Variants in ZNF207 observed in about 807,000 individuals in gnomAD.
ZNF207 encodes the protein BUB3-interacting and GLEBS motif-containing protein ZNF207.
In ZNF207, 24 loss-of-function variants were observed where a neutral mutation model predicts 60.2. The ratio of observed to expected loss-of-function variants is 0.40; its 90% CI spans 0.29 to 0.56. The LOEUF is 0.56. ZNF207 is among the 20% of genes least tolerant of loss of function. The pLI is 0.49. For synonymous variants in ZNF207, 236 were observed against 194.7 expected (o/e 1.21, Z -1.77); for missense variants, 452 against 636.6 (o/e 0.71, Z 3.12).
At chr17:32,365,880 T>C (rs1418917408) in intron 8 of ZNF207, among the ~76,000 whole-genome samples, 1 of 152,164 alleles carries the variant, frequency 6.6e-6, no homozygotes, top group Non-Finnish European at 1.5e-5. Flanking sequence ...TTTGTCAGGC[T>C]CTGCCTCTAG....
intron 2 of ZNF207, among the ~76,000 whole-genome samples, chr17:32,356,237 A>G (rs891534408): frequency 6.6e-6 from 1 of 152,302 alleles, no homozygotes; most frequent in East Asian, 1.9e-4. Context: ...CAAGAAATCT[A>G]ATTCTGGCTG....
In ZNF207 at chr17:32,373,103, G is replaced by A. The variant is rs1007383515; in HGVS notation, c.*3344G>A. 1.8e-4 allele frequency: 48 copies of A among 269,326 alleles called. No homozygotes were observed. The highest frequency in any genetic ancestry group is 1.0e-3 in the Admixed American group (20 of 19,898). 16.7% of individuals were successfully genotyped at this position (269,326 alleles called of 1,614,324 possible). A position where few individuals can be genotyped will look rare whatever the true frequency, so the allele number is the denominator to read the frequency against. ...TTTGAATACTTAGTATTTTAGTAGT[G>A]TCTCACACATTTGCCATTAGGTATG... On this transcript the variant is annotated 3_prime_UTR_variant, in exon 12 of 12. Coordinates refer to ENST00000394670, the MANE Select transcript of ZNF207 (RefSeq NM_001098507.2).
chr17:32,352,087 C>A (rs988196267), intron 2 of ZNF207, among the ~76,000 whole-genome samples, 175 bp downstream of exon 2: 5 of 152,180 alleles, frequency 3.3e-5, no homozygotes, highest in Non-Finnish European at 7.3e-5. Context: ...TCTGCCTCAG[C>A]CTCCGGAGTA....
Position 32,378,868 on chromosome 17 carries a change from C to CT in ZNF207, c.*9110dup, listed in dbSNP as rs1905776067. On this transcript the variant is annotated 3_prime_UTR_variant, in exon 12 of 12. Coordinates refer to ENST00000394670, the MANE Select transcript of ZNF207 (RefSeq NM_001098507.2). ...TTTCGCAAGCCTGAACCATCCTAAT[C>CT]TGATAGTAGGATGTATGGCTTCTTC... The CT allele has an allele frequency of 6.6e-6, 1 of 152,148 alleles. No individual in the cohort carries two copies. Among genetic ancestry groups the CT allele is most frequent in the South Asian group, 2.1e-4 (1 of 4,830 alleles). The allele number at this position is 152,148 out of a possible 1,614,324, so 9.4% of individuals were successfully genotyped here. A position where few individuals can be genotyped will look rare whatever the true frequency, so the allele number is the denominator to read the frequency against.
chr17:32,367,630 G>GT, intron 9 of ZNF207, 142 bp from the exon 10 acceptor site: 1 of 1,156,714 alleles, frequency 8.6e-7, no homozygotes, highest in Non-Finnish European at 1.2e-6. Context: ...TTTGTGGAAT[G>GT]TTTATCACAT....
At chr17:32,352,859 C>A (rs2041531694) in intron 2 of ZNF207, among the ~76,000 whole-genome samples, 1 of 152,182 alleles carries the variant, frequency 6.6e-6, no homozygotes, top group South Asian at 2.1e-4. Flanking sequence ...TTGTGCCAGC[C>A]CAGAATTGTA....
At position 32,367,828 on chromosome 17, in the gene ZNF207, C is replaced by G. The variant is rs1289352498; in HGVS notation, c.978C>G (p.Thr326=). ...VGTDFKPLNS[T]PATTTEPPKP... ...CAGATTTCAAACCCTTAAATAGTAC[C>G]CCTGCAACAACTACAGAACCCCCAA... The change falls in exon 10 of 12, where the codon ACC becomes ACG. Residue 326 remains threonine (T), a synonymous_variant. Coordinates refer to ENST00000394670, the MANE Select transcript of ZNF207 (RefSeq NM_001098507.2). 6.2e-7 allele frequency: 1 copy of G among 1,614,094 alleles called. No individual in the cohort carries two copies. The highest frequency in any genetic ancestry group is 1.7e-5 in the Admixed American group (1 of 60,004).
At chr17:32,358,382 C>A in intron 2 of ZNF207, 121 bp from the exon 3 acceptor site, 1 of 893,172 alleles carries the variant, frequency 1.1e-6, no homozygotes, top group Non-Finnish European at 1.6e-6. Context: ...AATGGCAAAA[C>A]TGGGAATTGG....
At position 32,350,192 on chromosome 17, in the gene ZNF207, G is replaced by T; in HGVS notation, c.-94G>T. ...TTGTGTCTGCTTCCTGTGGGACGTG[G>T]TGGTAGCCGTTGGGTTGGGAAAGTG... On this transcript the variant is annotated 5_prime_UTR_variant, in exon 1 of 12. Coordinates refer to ENST00000394670, the MANE Select transcript of ZNF207 (RefSeq NM_001098507.2). 1 of 1,570,542 alleles carries T rather than the reference G, an allele frequency of 6.4e-7. No individual in the cohort carries two copies. Among genetic ancestry groups the T allele is most frequent in the Non-Finnish European group, 8.8e-7 (1 of 1,141,464 alleles).
In ZNF207 at chr17:32,376,836, C is replaced by T. The variant is rs186229319; in HGVS notation, c.*7077C>T. 14 of 152,098 alleles carry T rather than the reference C, an allele frequency of 9.2e-5. No homozygotes were observed. The East Asian group carries it at 2.3e-3, about 25-fold the overall frequency. The allele number at this position is 152,098 out of a possible 1,614,324, so 9.4% of individuals were successfully genotyped here. A position where few individuals can be genotyped will look rare whatever the true frequency, so the allele number is the denominator to read the frequency against. ...TAATGGTTGATTACTTGGAACCCAC[C>T]CATTAATTCTAAATGATGTAATGGT... On this transcript the variant is annotated 3_prime_UTR_variant, in exon 12 of 12. Coordinates refer to ENST00000394670, the MANE Select transcript of ZNF207 (RefSeq NM_001098507.2).
chr17:32,351,592 CCTT>C, intron 1 of ZNF207, 191 bp from the exon 2 acceptor site: 1 of 1,535,100 alleles, frequency 6.5e-7, no homozygotes, highest in Non-Finnish European at 8.7e-7. Context: ...AGAGAGCTGG[CCTT>C]CTAGGAAATT....
intron 2 of ZNF207, 103 bp downstream of exon 2, chr17:32,352,015 T>G: frequency 1.7e-6 from 2 of 1,161,162 alleles, no homozygotes. Flanking sequence ...TCGCCCAAGC[T>G]GGAGTGCAGT....
intron 3 of ZNF207, among the ~76,000 whole-genome samples, 166 bp downstream of exon 3, chr17:32,358,807 C>A (rs545190816): frequency 2.0e-5 from 3 of 150,270 alleles, no homozygotes; most frequent in East Asian, 3.9e-4. Flanking sequence ...TTGTTTTTTT[C>A]TTTTTTGAGG....
At chr17:32,359,385 A>G (rs1290737936) in intron 3 of ZNF207, among the ~76,000 whole-genome samples, 1 of 151,700 alleles carries the variant, frequency 6.6e-6, no homozygotes, top group Non-Finnish European at 1.5e-5. Context: ...TGCTGGGATT[A>G]CAGATGTGAG....
chr17:32,373,859 A>G lies in ZNF207; in HGVS notation c.*4100A>G, dbSNP rs1166796850. ...TAAACTATTAAATTTAACCTCAAGG[A>G]TAAGTTTAATCATTGGAAATGCCAC... On this transcript the variant is annotated 3_prime_UTR_variant, in exon 12 of 12. Coordinates refer to ENST00000394670, the MANE Select transcript of ZNF207 (RefSeq NM_001098507.2). 1.9e-5 allele frequency: 3 copies of G among 154,126 alleles called. No homozygotes were observed. The highest frequency in any genetic ancestry group is 1.9e-4 in the East Asian group (1 of 5,284). 9.5% of individuals were successfully genotyped at this position (154,126 alleles called of 1,614,324 possible).
Position 32,366,649 on chromosome 17 carries a change from TTC to T in ZNF207, c.829-14_829-13del. 1 of 1,583,950 alleles carries T rather than the reference TTC, an allele frequency of 6.3e-7. No homozygotes were observed. The highest frequency in any genetic ancestry group is 8.5e-7 in the Non-Finnish European group (1 of 1,169,896). ...GTTTGGAGACTTTTCATTGTTTCCT[TTC>T]TTTTATGCTACAGATGGGGACACCT... On this transcript the variant is annotated splice_polypyrimidine_tract_variant and intron_variant, in intron 8 of 11. Transcript: ENST00000394670.
At chr17:32,366,613 T>C (rs1905174983) in intron 8 of ZNF207, 52 bp from the exon 9 acceptor site, 1 of 1,509,712 alleles carries the variant, frequency 6.6e-7, no homozygotes, top group South Asian at 1.2e-5. Context: ...ATGGCTTATT[T>C]TGACCCATTT....
intron 5 of ZNF207, 60 bp from the exon 6 acceptor site, chr17:32,361,408 C>T (rs1170864652): frequency 1.4e-6 from 2 of 1,459,288 alleles, no homozygotes; most frequent in African/African-American, 1.4e-5. Flanking sequence ...ATACAATACA[C>T]TTTCCCACTG....
intron 2 of ZNF207, among the ~76,000 whole-genome samples, chr17:32,357,355 T>A (rs1159733913): frequency 1.2e-4 from 15 of 129,796 alleles, no homozygotes; most frequent in South Asian, 2.3e-4. Context: ...ATTATTATTT[T>A]TTTTTTTTTT....
Sources: gnomAD v4.1 joint callset for allele counts (sites outside exome capture counted in the v4.1 genomes callset) on GRCh38, gnomAD v4.1.1 for gene constraint, MANE v1.5 for transcripts, NCBI Gene and HGNC (gene_info 2026-07-23, HGNC 2026-07-21) for gene names.